The following NAF1 variants were observed in gnomAD, a reference collection of about 807,000 sequenced individuals.
NAF1 encodes the protein H/ACA ribonucleoprotein complex non-core subunit NAF1.
Under a neutral mutation model 40.6 loss-of-function variants are expected in NAF1, and 11 were observed. The observed-to-expected ratio is 0.27, with a 90% confidence interval of 0.17 to 0.45. The LOEUF is 0.45. Ranked by LOEUF, NAF1 falls within the 20% of genes least tolerant of loss-of-function variation. The probability of loss-of-function intolerance (pLI) is 1.00; values close to 1 mark genes in which losing one functional copy is unlikely to be tolerated. For missense variants in NAF1, 607 were observed against 611.1 expected (o/e 0.99, Z 0.07); for synonymous variants, 260 against 228.5 (o/e 1.14, Z -1.24).
At chr4:163,160,670 AG>A (rs1290348614) in intron 2 of NAF1, among the ~76,000 whole-genome samples, 2 of 152,196 alleles carry the variant, frequency 1.3e-5, no homozygotes, top group Non-Finnish European at 2.9e-5. Context: ...AAAACTCTTT[AG>A]AAAGTGGTTG....
intron 2 of NAF1, among the ~76,000 whole-genome samples, chr4:163,158,032 G>A (rs1471864921): frequency 6.6e-6 from 1 of 152,106 alleles, no homozygotes; most frequent in Non-Finnish European, 1.5e-5. Context: ...CTTTCAGTAG[G>A]ATTTTCACTC....
rs1731443760 is a variant in NAF1 at position 163,145,857 on chromosome 4, A to C, written c.642T>G (p.Ile214Met). Residue 214 changes from isoleucine (I) to methionine (M), a missense_variant, in exon 4 of 8, where the codon ATT becomes ATG. Ile to Met is a conservative substitution (Grantham distance 10, BLOSUM62 1). Coordinates refer to ENST00000274054, the MANE Select transcript of NAF1 (RefSeq NM_138386.3). ...CTGGAGGTAGGTTAGTCATAGATTC[A>C]ATTATTACTGAAAAATAAAATAGAT... ...VSSIIEQLVIIESMTNLPPVN... is the reference protein window; with the variant it reads ...VSSIIEQLVIMESMTNLPPVN... 6.9e-7 allele frequency: 1 copy of C among 1,457,052 alleles called. No individual in the cohort carries two copies. The highest frequency in any genetic ancestry group is 9.5e-7 in the Non-Finnish European group (1 of 1,052,994). 90.3% of individuals were successfully genotyped at this position (1,457,052 alleles called of 1,614,324 possible).
At chr4:163,143,810 G>A (rs983141804) in intron 4 of NAF1, among the ~76,000 whole-genome samples, 1 of 152,152 alleles carries the variant, frequency 6.6e-6, no homozygotes, top group African/African-American at 2.4e-5. Flanking sequence ...ATGAGGAAAT[G>A]AACCTTTACA....
chr4:163,163,102 CA>C (rs1732292751), intron 2 of NAF1, among the ~76,000 whole-genome samples: 1 of 152,026 alleles, frequency 6.6e-6, no homozygotes, highest in Non-Finnish European at 1.5e-5. Context: ...GAAAAATGAT[CA>C]AGAGACAAGC....
chr4:163,115,829 T>A (rs1730321017), intron 2 of NAF1, among the ~76,000 whole-genome samples: 1 of 152,236 alleles, frequency 6.6e-6, no homozygotes, highest in Non-Finnish European at 1.5e-5. Context: ...GTACCCTTTA[T>A]AATGTGTACA....
intron 2 of NAF1, among the ~76,000 whole-genome samples, chr4:163,113,086 CT>C: frequency 6.6e-6 from 1 of 152,308 alleles, no homozygotes; most frequent in Admixed American, 6.5e-5. Flanking sequence ...TATTTAGAGA[CT>C]TGTCAGCCAT....
At chr4:163,118,734 CAG>C (rs765894973) in intron 2 of NAF1, among the ~76,000 whole-genome samples, 6 of 151,790 alleles carry the variant, frequency 4.0e-5, no homozygotes, top group Admixed American at 6.6e-5. Flanking sequence ...GGCTGGGCGA[CAG>C]AGAGAGACGC....
chr4:163,105,646 T>C (rs1730038601), downstream of NAF1, among the ~76,000 whole-genome samples: 2 of 152,146 alleles, frequency 1.3e-5, no homozygotes, highest in African/African-American at 4.8e-5. Context: ...ATTTTCATTA[T>C]ATTATAAGCA....
chr4:163,152,919 TTGGAGGGCCCCG>T (rs1731779820), intron 2 of NAF1, among the ~76,000 whole-genome samples: 2 of 152,162 alleles, frequency 1.3e-5, no homozygotes, highest in Admixed American at 1.3e-4. Flanking sequence ...GGGCATGGGC[TTGGAGGGCCCCG>T]CACTCAGAGC....
intron 2 of NAF1, among the ~76,000 whole-genome samples, chr4:163,161,211 G>A (rs571703982): frequency 8.5e-5 from 13 of 152,068 alleles, no homozygotes; most frequent in African/African-American, 1.4e-4. Context: ...GGTGGCTCAC[G>A]CCTGTAATCC....
chr4:163,155,913 C>G (rs1579182495), intron 2 of NAF1, among the ~76,000 whole-genome samples: 1 of 148,274 alleles, frequency 6.7e-6, no homozygotes, highest in Admixed American at 6.7e-5. Context: ...AAAAGGCATA[C>G]TAATAAACTA....
rs77894586 is a variant in NAF1, at chr4:163,145,674, T to C, written c.717+108A>G. The C allele has an allele frequency of 2.4e-3, 1,695 of 709,210 alleles. 24 individuals carry two copies. The African/African-American group carries it at 0.027, about 11-fold the overall frequency. 43.9% of individuals were successfully genotyped at this position (709,210 alleles called of 1,614,324 possible). On this transcript the variant is annotated intron_variant, in intron 4 of 7. Transcript: ENST00000274054. ...CGTACTGAAATTAGAGAGCTCTAGA[T>C]TGTCCATCAATTAAAATAAATAAAC...
Position 163,166,765 on chromosome 4 carries a change from G to A in NAF1, c.-38C>T, listed in dbSNP as rs1732498090. ...GAAACCGGGTCGGCCTCAGGATTGG[G>A]GCCCCTGGACAAGCTCACGGCTCTC... On this transcript the variant is annotated 5_prime_UTR_variant, in exon 1 of 8. Transcript: ENST00000274054. The A allele has an allele frequency of 6.2e-7, 1 of 1,611,014 alleles. No individual in the cohort carries two copies. Among genetic ancestry groups the A allele is most frequent in the Non-Finnish European group, 8.5e-7 (1 of 1,178,976 alleles).
intron 2 of NAF1, among the ~76,000 whole-genome samples, chr4:163,115,638 C>G (rs1318067536): frequency 2.6e-5 from 4 of 152,054 alleles, no homozygotes; most frequent in Admixed American, 1.3e-4. Context: ...GAAGGTTGGG[C>G]AGTATTTTTG....
chr4:163,128,415 A>G (rs1171156351), downstream of NAF1, among the ~76,000 whole-genome samples: 2 of 152,148 alleles, frequency 1.3e-5, no homozygotes, highest in African/African-American at 4.8e-5. Flanking sequence ...AACTGCTTTA[A>G]AAAGAAAAAT....
In NAF1 at chr4:163,166,502, C is replaced by A; in HGVS notation, c.226G>T (p.Ala76Ser). 1 of 1,598,130 alleles carries A rather than the reference C, an allele frequency of 6.3e-7. No homozygotes were observed. Among genetic ancestry groups the A allele is most frequent in the South Asian group, 1.1e-5 (1 of 89,580 alleles). The stretch of plus-strand genomic sequence containing the variant: ...TGTGGCTGCGGCGCCGGGGTCCCGG[C>A]CGCGACGGCGTTCAGAACGGGCTGC... ...PLQPVLNAVAAGTPAPQPQPP... is the reference protein window; with the variant it reads ...PLQPVLNAVASGTPAPQPQPP... The change falls in exon 1 of 8, where the codon GCC (alanine) becomes TCC (serine). Residue 76 changes from alanine (A) to serine (S), a missense_variant. Physicochemically the swap from Ala to Ser is moderately conservative, Grantham distance 99 (BLOSUM62 1). Coordinates refer to ENST00000274054, the MANE Select transcript of NAF1 (RefSeq NM_138386.3).
At chr4:163,110,510 C>T (rs981764455) in intron 2 of NAF1, among the ~76,000 whole-genome samples, 4 of 152,166 alleles carry the variant, frequency 2.6e-5, no homozygotes, top group African/African-American at 7.2e-5. Context: ...TTCAGGCATC[C>T]GCTGGTCTTG....
intron 3 of NAF1, among the ~76,000 whole-genome samples, chr4:163,146,953 T>G (rs1023617022): frequency 6.6e-6 from 1 of 152,198 alleles, no homozygotes; most frequent in Non-Finnish European, 1.5e-5. Flanking sequence ...TTACATTTAT[T>G]TTTTTGAGGA....
chr4:163,150,490 AC>A, intron 2 of NAF1, among the ~76,000 whole-genome samples: 1 of 152,272 alleles, frequency 6.6e-6, no homozygotes, highest in African/African-American at 2.4e-5. Flanking sequence ...AATACAAGGT[AC>A]CCTTTTTACT....
Sources: gnomAD v4.1 joint callset for allele counts (sites outside exome capture counted in the v4.1 genomes callset) on GRCh38, gnomAD v4.1.1 for gene constraint, MANE v1.5 for transcripts, NCBI Gene and HGNC (gene_info 2026-07-23, HGNC 2026-07-21) for gene names.